DNER: variants seen among roughly 807,000 people sequenced by gnomAD.
The protein encoded by DNER is delta/notch like EGF repeat containing.
DNER carries 33 observed loss-of-function variants against 78.2 expected under a neutral mutation model. The ratio of observed to expected loss-of-function variants is 0.42; its 90% CI spans 0.32 to 0.56. The LOEUF is 0.56. Ranked by LOEUF, DNER falls within the 20% of genes least tolerant of loss-of-function variation. DNER has a pLI of 0.11. For missense variants in DNER, 918 were observed against 975.3 expected, an observed-to-expected ratio of 0.94 and a Z score of 0.78; for synonymous variants, 417 against 384.8, an observed-to-expected ratio of 1.08 and a Z score of -0.98.
chr2:229,467,115 C>T (rs1245412997), intron 7 of DNER, among the ~76,000 whole-genome samples: 1 of 152,074 alleles, frequency 6.6e-6, no homozygotes. Context: ...TTGTGAGTGT[C>T]CTGGGTCGCA....
chr2:229,709,435 C>G (rs1699878713), intron 1 of DNER, among the ~76,000 whole-genome samples: 1 of 152,104 alleles, frequency 6.6e-6, no homozygotes, highest in Admixed American at 6.5e-5. Flanking sequence ...ATCTCAGCTA[C>G]TATTCAACAT....
At position 229,505,172 on chromosome 2, in the gene DNER, G is replaced by T. The variant is rs80328667; in HGVS notation, c.1147+7611C>A. Among the ~76,000 whole-genome samples, 110 of 145,428 alleles carry T rather than the reference G, an allele frequency of 7.6e-4. 1 individual carries two copies. In the East Asian group the frequency reaches 9.0e-3, roughly 12 times the overall value. ...CACTGAGGCTTGAGGATTATGTGTT[G>T]CTGCAGTGTGTGTGTGTGTGTGTGT... On this transcript the variant is annotated intron_variant, in intron 6 of 12. Coordinates refer to ENST00000341772, the MANE Select transcript of DNER (RefSeq NM_139072.4).
At chr2:229,371,361 A>G (rs1441197036) in intron 11 of DNER, among the ~76,000 whole-genome samples, 1 of 152,222 alleles carries the variant, frequency 6.6e-6, no homozygotes, top group African/African-American at 2.4e-5. Flanking sequence ...TGTTTGCTAC[A>G]GCATGGCACT....
intron 8 of DNER, among the ~76,000 whole-genome samples, 167 bp from the exon 9 acceptor site, chr2:229,418,397 G>A (rs1229036839): frequency 1.3e-5 from 2 of 152,138 alleles, no homozygotes; most frequent in East Asian, 1.9e-4. Context: ...GTGGATTTGG[G>A]GGAAGGCTAT....
intron 8 of DNER, among the ~76,000 whole-genome samples, chr2:229,438,975 T>G (rs1694181292): frequency 6.6e-6 from 1 of 152,184 alleles, no homozygotes; most frequent in Non-Finnish European, 1.5e-5. Flanking sequence ...AGGTCCCAAT[T>G]GCCTGGATTC....
chr2:229,620,333 C>A (rs1698232381), intron 1 of DNER, among the ~76,000 whole-genome samples: 1 of 152,218 alleles, frequency 6.6e-6, no homozygotes, highest in African/African-American at 2.4e-5. Context: ...AATCTTTTTT[C>A]ATGTATCTTT....
chr2:229,540,435 T>C (rs946590525), intron 5 of DNER, among the ~76,000 whole-genome samples: 7 of 152,124 alleles, frequency 4.6e-5, no homozygotes, highest in Admixed American at 2.6e-4. Context: ...AATGATAATT[T>C]ACAGGGAGCC....
intron 11 of DNER, among the ~76,000 whole-genome samples, chr2:229,370,096 A>C (rs1404925128): frequency 6.6e-6 from 1 of 152,180 alleles, no homozygotes; most frequent in African/African-American, 2.4e-5. Context: ...TCACACCTTC[A>C]TCTTAGCTGT....
At chr2:229,394,675 A>G (rs1419748385) in intron 10 of DNER, among the ~76,000 whole-genome samples, 3 of 152,208 alleles carry the variant, frequency 2.0e-5, no homozygotes, top group African/African-American at 7.2e-5. Context: ...CATCTGTCGC[A>G]CTGCAGTAAG....
intron 1 of DNER, among the ~76,000 whole-genome samples, chr2:229,709,127 A>G (rs368678106): frequency 8.9e-4 from 136 of 152,352 alleles, no homozygotes; most frequent in African/African-American, 3.3e-3. Flanking sequence ...ATAAACTAAT[A>G]TAATCATTTT....
chr2:229,595,932 G>C (rs1027618270), intron 1 of DNER, among the ~76,000 whole-genome samples: 4 of 151,564 alleles, frequency 2.6e-5, no homozygotes, highest in African/African-American at 9.7e-5. Flanking sequence ...ATGTGTGCAG[G>C]TTTGTTACCT....
intron 7 of DNER, among the ~76,000 whole-genome samples, chr2:229,458,188 C>T (rs1333295020): frequency 1.1e-5 from 1 of 87,306 alleles, no homozygotes; most frequent in Non-Finnish European, 2.4e-5. Flanking sequence ...GGGAAAGATA[C>T]ATTGTGAAAA....
Position 229,414,538 on chromosome 2 carries a change from C to T in DNER, c.1609+3570G>A, listed in dbSNP as rs146966108. Among the ~76,000 whole-genome samples, 233 of 152,264 alleles carry T rather than the reference C, an allele frequency of 1.5e-3. 1 individual carries two copies. The highest frequency in any genetic ancestry group is 4.9e-3 in the African/African-American group (204 of 41,552). On this transcript the variant is annotated intron_variant, in intron 9 of 12. Coordinates refer to ENST00000341772, the MANE Select transcript of DNER (RefSeq NM_139072.4). ...TCCCAAAGTGTTGGGATTACAGGTG[C>T]GAGCCACCACACCAAGCCAGGAGTG...
intron 11 of DNER, among the ~76,000 whole-genome samples, chr2:229,367,528 G>C (rs1370093486): frequency 4.6e-5 from 7 of 152,138 alleles, no homozygotes; most frequent in Non-Finnish European, 7.3e-5. Flanking sequence ...TTGAACTCGG[G>C]AGGCGGAGGT....
intron 6 of DNER, among the ~76,000 whole-genome samples, chr2:229,505,980 T>C (rs1441913671): frequency 2.0e-5 from 3 of 152,202 alleles, no homozygotes; most frequent in African/African-American, 7.2e-5. Flanking sequence ...AGCTTTGTTG[T>C]TTTAATAGAA....
chr2:229,557,482 A>C (rs748172137), intron 4 of DNER, among the ~76,000 whole-genome samples: 1 of 152,234 alleles, frequency 6.6e-6, no homozygotes, highest in Non-Finnish European at 1.5e-5. Context: ...GTTTGAGAAT[A>C]GGGAATGGGC....
chr2:229,375,887 G>A (rs1002890015), intron 11 of DNER, among the ~76,000 whole-genome samples: 17 of 152,148 alleles, frequency 1.1e-4, no homozygotes, highest in African/African-American at 3.9e-4. Flanking sequence ...ATCCCCACAT[G>A]TCAAGGGAGA....
chr2:229,652,627 C>T (rs1484582608), intron 1 of DNER, among the ~76,000 whole-genome samples: 1 of 152,164 alleles, frequency 6.6e-6, no homozygotes, highest in Non-Finnish European at 1.5e-5. Context: ...CCAGTGTCCA[C>T]CCTAGAGACA....
intron 4 of DNER, among the ~76,000 whole-genome samples, chr2:229,573,745 G>A (rs887061400): frequency 3.3e-5 from 5 of 152,140 alleles, no homozygotes; most frequent in African/African-American, 1.2e-4. Context: ...CATTAAATGA[G>A]AGGAATGTCA....
Sources: allele counts gnomAD v4.1 joint callset (sites outside exome capture counted in the v4.1 genomes callset), GRCh38; gene constraint gnomAD v4.1.1; transcripts MANE v1.5; gene names NCBI Gene and HGNC (gene_info 2026-07-23, HGNC 2026-07-21).